Variants in DMRT1 observed in about 807,000 individuals in gnomAD.
DMRT1 encodes the protein doublesex and mab-3 related transcription factor 1.
A neutral mutation model predicts 32.3 loss-of-function variants in DMRT1; 7 were observed. That is an observed-to-expected ratio of 0.22 (90% CI 0.12 to 0.41). The LOEUF (loss-of-function observed/expected upper bound fraction) is 0.41, where lower values mean the gene tolerates loss of function less well. Ranked by LOEUF, DMRT1 falls within the 10% of genes least tolerant of loss-of-function variation. The pLI, the probability that DMRT1 is intolerant of heterozygous loss-of-function variation, is 1.00. For synonymous variants in DMRT1, 278 were observed against 206.1 expected, an observed-to-expected ratio of 1.35 and a Z score of -2.99; for missense variants, 625 against 500.5, an observed-to-expected ratio of 1.25 and a Z score of -2.37.
chr9:903,962 T>A (rs1313384959), intron 3 of DMRT1, among the ~76,000 whole-genome samples: 1 of 152,204 alleles, frequency 6.6e-6, no homozygotes, highest in Non-Finnish European at 1.5e-5. Context: ...CAGATTCATT[T>A]CCATTGTTAG....
chr9:961,836 A>G (rs1293604011), intron 4 of DMRT1, among the ~76,000 whole-genome samples: 1 of 152,214 alleles, frequency 6.6e-6, no homozygotes, highest in Non-Finnish European at 1.5e-5. Flanking sequence ...AATTAAGGAA[A>G]CTAATATTTG....
At chr9:900,163 T>C (rs1056238288) in intron 3 of DMRT1, among the ~76,000 whole-genome samples, 1 of 45,626 alleles carries the variant, frequency 2.2e-5, no homozygotes, top group Non-Finnish European at 7.3e-5. Flanking sequence ...CCTAAACCTT[T>C]CTACAGGTAG....
At chr9:859,385 T>C (rs1815551738) in intron 2 of DMRT1, among the ~76,000 whole-genome samples, 2 of 151,992 alleles carry the variant, frequency 1.3e-5, no homozygotes. Context: ...AGCCTAGGAG[T>C]GCCCTTAGTT....
rs1174891518 is a variant in DMRT1, at chr9:946,135, C to CT, written c.968-21838dup. On this transcript the variant is annotated intron_variant, in intron 4 of 4. Transcript: ENST00000382276. ...GCAGTCATGTTATTTTTCTTTCTTT[C>CT]TTTTTTTTTTTTGATGTGACAAACA... Among the ~76,000 whole-genome samples the CT allele has an allele frequency of 3.4e-3, 489 of 143,372 alleles. 3 individuals are homozygous for CT. Among genetic ancestry groups the CT allele is most frequent in the African/African-American group, 9.0e-3 (353 of 39,352 alleles). 94.1% of individuals were successfully genotyped at this position (143,372 alleles called of 152,430 possible). A position where few individuals can be genotyped will look rare whatever the true frequency, so the allele number is the denominator to read the frequency against.
chr9:917,900 C>T (rs1443793263), intron 4 of DMRT1, among the ~76,000 whole-genome samples: 2 of 152,176 alleles, frequency 1.3e-5, no homozygotes, highest in East Asian at 1.9e-4. Context: ...GCAGAGAGGC[C>T]GAAGTACACA....
intron 3 of DMRT1, among the ~76,000 whole-genome samples, chr9:914,966 A>T (rs1447422555): frequency 6.6e-6 from 1 of 152,234 alleles, no homozygotes; most frequent in African/African-American, 2.4e-5. Context: ...AATCTTGAGG[A>T]AGCCCAGTGC....
At chr9:851,427 CAG>C (rs1338178979) in intron 2 of DMRT1, among the ~76,000 whole-genome samples, 4 of 112,778 alleles carry the variant, frequency 3.5e-5, no homozygotes, top group African/African-American at 1.2e-4. Context: ...TTAGTAGAGA[CAG>C]AGTTTCACCA....
chr9:869,891 A>G (rs1157292202), intron 2 of DMRT1, among the ~76,000 whole-genome samples: 1 of 152,046 alleles, frequency 6.6e-6, no homozygotes, highest in Admixed American at 6.5e-5. Flanking sequence ...AGTCCTGTGT[A>G]TTCTGTGGAG....
intron 2 of DMRT1, among the ~76,000 whole-genome samples, chr9:878,773 C>T (rs1408312389): frequency 6.6e-6 from 1 of 152,186 alleles, no homozygotes; most frequent in African/African-American, 2.4e-5. Context: ...ATTTATTGAG[C>T]ACTCAACACG....
intron 4 of DMRT1, among the ~76,000 whole-genome samples, chr9:941,737 G>T (rs1232661052): frequency 6.6e-6 from 1 of 152,002 alleles, no homozygotes; most frequent in Non-Finnish European, 1.5e-5. Flanking sequence ...AGGAAGAAAA[G>T]AAAAAAGTAT....
chr9:926,693 G>C (rs1356050523), intron 4 of DMRT1, among the ~76,000 whole-genome samples: 1 of 19,626 alleles, frequency 5.1e-5, no homozygotes, highest in Non-Finnish European at 1.6e-4. Flanking sequence ...CAGGTAGAGA[G>C]AGAGAGAGAG....
intron 2 of DMRT1, among the ~76,000 whole-genome samples, chr9:892,899 G>C (rs979168256): frequency 3.3e-5 from 5 of 151,902 alleles, no homozygotes; most frequent in Admixed American, 3.3e-4. Flanking sequence ...CCACTCCTTT[G>C]TCCTTGCTGC....
At chr9:945,671 T>C (rs1819217387) in intron 4 of DMRT1, among the ~76,000 whole-genome samples, 1 of 151,996 alleles carries the variant, frequency 6.6e-6, no homozygotes, top group Non-Finnish European at 1.5e-5. Context: ...TTTTCTTAAA[T>C]GAACAGAACA....
At chr9:874,267 G>C (rs1816399214) in intron 2 of DMRT1, among the ~76,000 whole-genome samples, 1 of 152,118 alleles carries the variant, frequency 6.6e-6, no homozygotes, top group African/African-American at 2.4e-5. Flanking sequence ...TGTAAGTTTT[G>C]ATTCATGGAT....
chr9:954,300 G>C (rs1388445157), intron 4 of DMRT1, among the ~76,000 whole-genome samples: 1 of 152,134 alleles, frequency 6.6e-6, no homozygotes, highest in Non-Finnish European at 1.5e-5. Flanking sequence ...GTAAAGTGAA[G>C]CAGAGAGAGA....
At chr9:963,424 T>C (rs963504049) in intron 4 of DMRT1, among the ~76,000 whole-genome samples, 1 of 152,230 alleles carries the variant, frequency 6.6e-6, no homozygotes, top group Non-Finnish European at 1.5e-5. Context: ...ATTACTTTTT[T>C]TTTAGTAAAT....
chr9:842,097 C>A lies in DMRT1; in HGVS notation c.259C>A (p.Pro87Thr), dbSNP rs1292405639. The A allele has an allele frequency of 3.2e-6, 5 of 1,547,090 alleles. No homozygotes were observed. Among genetic ancestry groups the A allele is most frequent in the Non-Finnish European group, 4.3e-6 (5 of 1,150,506 alleles). ...ARCRNHGYAS[P>T]LKGHKRFCMW... ...CTGCAGGAACCACGGCTACGCCTCG[C>A]CGCTCAAGGGCCACAAGCGCTTCTG... The change falls in exon 1 of 5, where the codon CCG becomes ACG. Residue 87 changes from proline (P) to threonine (T), a missense_variant. Transcript: ENST00000382276.
intron 4 of DMRT1, among the ~76,000 whole-genome samples, chr9:927,015 G>A (rs563906583): frequency 1.3e-5 from 2 of 152,350 alleles, no homozygotes; most frequent in South Asian, 2.1e-4. Flanking sequence ...ACACTAGCCA[G>A]TTGGGTTAGA....
intron 3 of DMRT1, among the ~76,000 whole-genome samples, chr9:911,548 A>G (rs1290352170): frequency 2.5e-5 from 3 of 119,296 alleles, no homozygotes; most frequent in Non-Finnish European, 4.9e-5. Context: ...GCTGGAGTGC[A>G]GTGGTGCAAT....
Sources: gnomAD v4.1 joint callset for allele counts (sites outside exome capture counted in the v4.1 genomes callset) on GRCh38, gnomAD v4.1.1 for gene constraint, MANE v1.5 for transcripts, NCBI Gene and HGNC (gene_info 2026-07-23, HGNC 2026-07-21) for gene names.